The following WDR45 variants were observed in gnomAD, a reference collection of about 807,000 sequenced individuals.
WDR45 encodes WD repeat domain 45, also known as WD repeat domain phosphoinositide-interacting protein 4.
Under a neutral mutation model 27.3 loss-of-function variants are expected in WDR45, and 2 were observed. The observed-to-expected ratio is 0.07, with a 90% CI of 0.03 to 0.23. WDR45 has a LOEUF of 0.23. WDR45 is among the 10% of genes least tolerant of loss of function. WDR45 has a pLI of 1.00. For synonymous variants in WDR45, 99 were observed against 119.2 expected (o/e 0.83, Z 1.11); for missense variants, 175 against 311.9 (o/e 0.56, Z 3.31).
intron 2 of WDR45, among the ~76,000 whole-genome samples, chrX:49,089,930 A>T (rs1363397619): frequency 9.0e-6 from 1 of 111,661 alleles, no homozygotes; most frequent in Non-Finnish European, 1.9e-5. Context: ...ATTAATTTAT[A>T]TGAAAAACCA....
At chrX:49,084,887 G>A (rs929860974), upstream of WDR45, among the ~76,000 whole-genome samples, 1 of 111,213 alleles carries the variant, frequency 9.0e-6, no homozygotes, top group African/African-American at 3.3e-5. Flanking sequence ...TGCCCGCCTC[G>A]GCCTCCTAAA....
upstream of WDR45, chrX:49,080,406 C>G (rs781823372): frequency 8.9e-6 from 1 of 111,809 alleles, no homozygotes; most frequent in Admixed American, 9.5e-5. Flanking sequence ...CCCTGTCCCC[C>G]CAACCCCGCC....
At chrX:49,076,783 A>C in intron 4 of WDR45, 33 bp from the exon 5 acceptor site, 2 of 1,129,819 alleles carry the variant, frequency 1.8e-6, no homozygotes, top group Non-Finnish European at 2.4e-6. Context: ...GTCGGGGCCA[A>C]GGTTTAGGGT....
chrX:49,084,411 T>C (rs929794067), upstream of WDR45, among the ~76,000 whole-genome samples: 58 of 107,475 alleles, frequency 5.4e-4, no homozygotes, highest in African/African-American at 1.9e-3. Flanking sequence ...TATCATGGGC[T>C]GGGCATGGTG....
At chrX:49,077,527 CCT>C (rs782009247) in intron 4 of WDR45, 114 bp downstream of exon 4, 76 of 637,644 alleles carry the variant, frequency 1.2e-4, no homozygotes, top group Non-Finnish European at 3.8e-5. Context: ...CTGTAGGCCT[CCT>C]CTCTGTGTGA....
chrX:49,076,554 G>A (rs1168062950), intron 5 of WDR45, 30 bp from the exon 6 acceptor site: 8 of 1,207,415 alleles, frequency 6.6e-6, no homozygotes, highest in Non-Finnish European at 9.0e-6. Context: ...CAGGATGGCC[G>A]TGAGGGGGTG....
rs2065126198 is a variant in WDR45 at position 49,096,550 on chromosome X, C to A, written c.-18+3655G>T. 1.8e-5 allele frequency among the ~76,000 whole-genome samples: 2 copies of A among 112,428 alleles called. 1 individual carries two copies. The highest frequency in any genetic ancestry group is 7.3e-4 in the South Asian group (2 of 2,742). On this transcript the variant is annotated intron_variant, in intron 2 of 11. Transcript: ENST00000356463. Reference sequence around the variant, plus strand: ...CCTGCCTTGCTTATCTTTATAGATTCAAATGGTAGGCATTTCCCATCACCT... The same window carrying A: ...CCTGCCTTGCTTATCTTTATAGATTAAAATGGTAGGCATTTCCCATCACCT...
At chrX:49,081,013 TCAGCCTCCC>T (rs1486144148), upstream of WDR45, among the ~76,000 whole-genome samples, 5 of 102,303 alleles carry the variant, frequency 4.9e-5, no homozygotes, top group South Asian at 4.7e-4. Flanking sequence ...TTCTTCTGCC[TCAGCCTCCC>T]CAGCCTCCCA....
At chrX:49,098,818 C>T (rs1250478718) in intron 2 of WDR45, among the ~76,000 whole-genome samples, 1 of 110,754 alleles carries the variant, frequency 9.0e-6, no homozygotes, top group African/African-American at 3.3e-5. Flanking sequence ...ACCCCCCCAC[C>T]AAAAAATGAG....
At chrX:49,078,762 G>A (rs180818016) in intron 1 of WDR45, among the ~76,000 whole-genome samples, 90 of 112,395 alleles carry the variant, frequency 8.0e-4, no homozygotes, top group African/African-American at 2.9e-3. Context: ...TGATCCCAAT[G>A]CCAGACATGG....
chrX:49,077,152 G>A, intron 4 of WDR45: 1 of 196,506 alleles, frequency 5.1e-6, no homozygotes, highest in Non-Finnish European at 9.4e-6. Context: ...GGCAACTCCT[G>A]CCTTGTCCAG....
intron 2 of WDR45, among the ~76,000 whole-genome samples, chrX:49,085,599 G>T (rs1452945215): frequency 8.8e-6 from 1 of 113,319 alleles, no homozygotes; most frequent in Non-Finnish European, 1.9e-5. Flanking sequence ...AGGAGGCTGG[G>T]TGCAGTGGCT....
chrX:49,076,017 A>T, intron 6 of WDR45, 72 bp from the exon 7 acceptor site: 1 of 909,119 alleles, frequency 1.1e-6, no homozygotes, highest in Non-Finnish European at 1.6e-6. Context: ...ACAGAGCTGG[A>T]TGAGGACCAG....
intron 1 of WDR45, among the ~76,000 whole-genome samples, chrX:49,078,740 G>A (rs1044911493): frequency 8.9e-6 from 1 of 112,251 alleles, no homozygotes; most frequent in Non-Finnish European, 1.9e-5. Flanking sequence ...CCTCCCCACC[G>A]CCAGCCAATC....
chrX:49,081,983 C>T, upstream of WDR45: 1 of 59,974 alleles, frequency 1.7e-5, no homozygotes, highest in African/African-American at 7.9e-5. Context: ...ACCCTGTCTC[C>T]AAAAAAAAAA....
intron 2 of WDR45, among the ~76,000 whole-genome samples, chrX:49,091,684 G>A (rs782497108): frequency 1.1e-5 from 1 of 91,780 alleles, no homozygotes; most frequent in South Asian, 6.1e-4. Context: ...GGGAAGCGGA[G>A]CTTGCAGTGA....
intron 2 of WDR45, among the ~76,000 whole-genome samples, chrX:49,089,772 G>C (rs2065097947): frequency 1.5e-5 from 1 of 65,541 alleles, no homozygotes; most frequent in African/African-American, 5.6e-5. Flanking sequence ...GGGTGACAGA[G>C]CAAAACCTTA....
chrX:49,076,333 C>G lies in WDR45; in HGVS notation c.436+97G>C, dbSNP rs1384836483. The G allele has an allele frequency of 1.5e-5, 14 of 905,697 alleles. No individual in the cohort carries two copies. In the Admixed American group the frequency reaches 2.6e-4, roughly 17 times the overall value. 74.6% of individuals were successfully genotyped at this position (905,697 alleles called of 1,213,427 possible). On this transcript the variant is annotated intron_variant, in intron 6 of 10. Coordinates refer to ENST00000376372, the MANE Select transcript of WDR45 (RefSeq NM_001029896.2). ...TCTCCCTGCCTCTTTCCCCATTTCT[C>G]TGTGTGTGAGTGCCCCTTCCTTTCT...
intron 2 of WDR45, among the ~76,000 whole-genome samples, chrX:49,087,740 C>T (rs191870581): frequency 1.2e-3 from 133 of 111,409 alleles, no homozygotes; most frequent in Middle Eastern, 4.7e-3. Context: ...AGGACAGGTG[C>T]GGTGGCTCAC....
Sources: allele counts gnomAD v4.1 joint callset (sites outside exome capture counted in the v4.1 genomes callset), GRCh38; gene constraint gnomAD v4.1.1; transcripts MANE v1.5; gene names NCBI Gene and HGNC (gene_info 2026-07-23, HGNC 2026-07-21).